IQCE: variants seen among roughly 807,000 people sequenced by gnomAD.
The protein encoded by IQCE is IQ motif containing E.
IQCE carries 115 observed loss-of-function variants against 96.0 expected under a neutral mutation model. The ratio of observed to expected loss-of-function variants is 1.20; its 90% CI spans 1.03 to 1.40. IQCE has a LOEUF of 1.40. IQCE is among the 40% of genes most tolerant of loss of function. The probability of loss-of-function intolerance (pLI) is 0.00; values close to 1 mark genes in which losing one functional copy is unlikely to be tolerated. For synonymous variants in IQCE, 412 were observed against 371.2 expected (o/e 1.11, Z -1.26); for missense variants, 1,041 against 909.1 (o/e 1.15, Z -1.87).
rs68086038 is a variant in IQCE at position 2,579,700 on chromosome 7, G to GGTGT, written c.630+1209_630+1212dup. On this transcript the variant is annotated intron_variant, in intron 8 of 21. Transcript: ENST00000402050. ...GGCTCCATGTTTTTGTTGTTCTGGT[G>GGTGT]GTGTGTGTGTGTGTGTGTGTGTGTG... is the stretch of plus-strand genomic sequence containing the variant. 5.6e-4 allele frequency among the ~76,000 whole-genome samples: 74 copies of GGTGT among 133,078 alleles called. 2 individuals carry two copies. The highest frequency in any genetic ancestry group is 1.4e-3 in the Admixed American group (18 of 13,184). The allele number at this position is 133,078 out of a possible 152,430, so 87.3% of individuals were successfully genotyped here. A position where few individuals can be genotyped will look rare whatever the true frequency, so the allele number is the denominator to read the frequency against.
chr7:2,576,054 C>T (rs1398185552), intron 6 of IQCE, among the ~76,000 whole-genome samples: 4 of 152,208 alleles, frequency 2.6e-5, no homozygotes, highest in East Asian at 1.9e-4. Context: ...AGCTGAGTAC[C>T]GGCTTGCTAT....
intron 21 of IQCE, among the ~76,000 whole-genome samples, chr7:2,607,860 A>C (rs561709393): frequency 6.6e-6 from 1 of 152,326 alleles, no homozygotes; most frequent in South Asian, 2.1e-4. Context: ...ATGAGTGCGG[A>C]GGCACGCTGT....
chr7:2,577,788 A>G (rs1291131124), intron 6 of IQCE, among the ~76,000 whole-genome samples: 149 of 51,052 alleles, frequency 2.9e-3, no homozygotes, highest in Middle Eastern at 0.014. Context: ...TGCGGCGTAT[A>G]CGCATTGGCG....
At chr7:2,591,402 C>A (rs1583471152) in intron 14 of IQCE, among the ~76,000 whole-genome samples, 1 of 152,150 alleles carries the variant, frequency 6.6e-6, no homozygotes, top group East Asian at 1.9e-4. Flanking sequence ...CTGTTGATAG[C>A]TCCTCAGGGC....
chr7:2,588,602 C>T (rs1455763330), intron 13 of IQCE, among the ~76,000 whole-genome samples: 1 of 144,774 alleles, frequency 6.9e-6, no homozygotes, highest in Non-Finnish European at 1.5e-5. Flanking sequence ...ATCCACCCAC[C>T]TTGGCCTCCT....
At chr7:2,597,834 T>C (rs1374663260) in intron 16 of IQCE, among the ~76,000 whole-genome samples, 1 of 151,890 alleles carries the variant, frequency 6.6e-6, no homozygotes, top group Non-Finnish European at 1.5e-5. Context: ...ACCCGGGTAT[T>C]TTTTAAATTT....
At position 2,567,112 on chromosome 7, in the gene IQCE, C is replaced by T. The variant is rs1167600348; in HGVS notation, c.37-4C>T. On this transcript the variant is annotated splice_polypyrimidine_tract_variant and splice_region_variant and intron_variant, in intron 1 of 21. Coordinates refer to ENST00000402050, the MANE Select transcript of IQCE (RefSeq NM_152558.5). ...AGTTACAGTGTTTGCCTCTCTTCCT[C>T]CAGGGAGATGACAGTCTGTCTGCAG... The T allele has an allele frequency of 1.2e-6, 2 of 1,613,582 alleles. No homozygotes were observed. The highest frequency in any genetic ancestry group is 1.7e-6 in the Non-Finnish European group (2 of 1,179,628).
intron 9 of IQCE, 22 bp from the exon 10 acceptor site, chr7:2,583,615 A>T: frequency 6.3e-7 from 1 of 1,575,626 alleles, no homozygotes; most frequent in East Asian, 2.3e-5. Context: ...CATCCCTATT[A>T]ACGCTGAACT....
chr7:2,589,801 C>T (rs1783436578), intron 13 of IQCE, 106 bp from the exon 14 acceptor site: 5 of 1,102,162 alleles, frequency 4.5e-6, no homozygotes, highest in Non-Finnish European at 6.8e-6. Context: ...TCTCATGGCC[C>T]TGCTGGAGAC....
intron 1 of IQCE, among the ~76,000 whole-genome samples, chr7:2,564,533 G>A (rs1781218322): frequency 6.6e-6 from 1 of 152,154 alleles, no homozygotes; most frequent in African/African-American, 2.4e-5. Flanking sequence ...GGGAGGTGGA[G>A]GTGGCAGTGA....
chr7:2,572,472 G>A (rs921299691), intron 5 of IQCE, 146 bp downstream of exon 5: 1 of 876,524 alleles, frequency 1.1e-6, no homozygotes, highest in Non-Finnish European at 1.7e-6. Context: ...GAGGTCGTGG[G>A]AGCAGTGACT....
Position 2,607,421 on chromosome 7 carries a change from G to T in IQCE, c.1969+194G>T, listed in dbSNP as rs1437271659. The T allele has an allele frequency of 9.7e-6, 13 of 1,344,412 alleles. No individual in the cohort carries two copies. The South Asian group carries it at 2.0e-4, about 21-fold the overall frequency. The allele number at this position is 1,344,412 out of a possible 1,614,324, so 83.3% of individuals were successfully genotyped here. A position where few individuals can be genotyped will look rare whatever the true frequency, so the allele number is the denominator to read the frequency against. On this transcript the variant is annotated intron_variant, in intron 21 of 21. Transcript: ENST00000402050. ...ACAGGGCCCCGCCTTGGCCCAGCTT[G>T]TCCTTTGTGCCTGGAATTGCCGAGG...
At chr7:2,564,260 G>A (rs73287597) in intron 1 of IQCE, among the ~76,000 whole-genome samples, 1 of 151,868 alleles carries the variant, frequency 6.6e-6, no homozygotes, top group South Asian at 2.1e-4. Context: ...AATTTCCCTT[G>A]TGATTTCGTC....
intron 8 of IQCE, 143 bp from the exon 9 acceptor site, chr7:2,582,437 C>T (rs962719603): frequency 7.0e-6 from 5 of 712,324 alleles, no homozygotes; most frequent in Non-Finnish European, 1.2e-5. Context: ...CTCCCTCTTC[C>T]CTGGGCCCGT....
chr7:2,612,904 AGAGT>A lies in IQCE; in HGVS notation c.*2747_*2750del, dbSNP rs1317193491. The A allele has an allele frequency of 1.3e-5, 2 of 152,170 alleles. No homozygotes were observed. Among genetic ancestry groups the A allele is most frequent in the African/African-American group, 2.4e-5 (1 of 41,400 alleles). The allele number at this position is 152,170 out of a possible 1,614,324, so 9.4% of individuals were successfully genotyped here. A position where few individuals can be genotyped will look rare whatever the true frequency, so the allele number is the denominator to read the frequency against. On this transcript the variant is annotated 3_prime_UTR_variant, in exon 22 of 22. Coordinates refer to ENST00000402050, the MANE Select transcript of IQCE (RefSeq NM_152558.5). ...ACAACTCCCGGGGGAGACGAAGTAG[AGAGT>A]GAGTCCCCAAGAAAGGGACTCCTGC...
intron 19 of IQCE, 95 bp downstream of exon 19, chr7:2,605,086 C>G: frequency 1.2e-6 from 1 of 864,502 alleles, no homozygotes; most frequent in East Asian, 2.7e-5. Context: ...CCCTCAGCCT[C>G]CACATCCCCG....
chr7:2,572,621 A>G, intron 5 of IQCE: 2 of 561,098 alleles, frequency 3.6e-6, no homozygotes, highest in Non-Finnish European at 6.7e-6. Flanking sequence ...AGTAAATGAT[A>G]TTAGGAACAA....
intron 4 of IQCE, among the ~76,000 whole-genome samples, chr7:2,571,903 C>A (rs912312856): frequency 6.6e-6 from 1 of 152,142 alleles, no homozygotes; most frequent in Non-Finnish European, 1.5e-5. Context: ...CTTGCCAGAG[C>A]CAACTGTTAT....
chr7:2,559,147 G>A lies in IQCE; in HGVS notation c.-35G>A, dbSNP rs946620286. On this transcript the variant is annotated 5_prime_UTR_variant, in exon 1 of 22. Coordinates refer to ENST00000402050, the MANE Select transcript of IQCE (RefSeq NM_152558.5). ...TTCCCAGACCCGGACGCCCGAGCCA[G>A]CAACCCTGAGGGGCGGCCGGGCAGC... 7.4e-5 allele frequency: 86 copies of A among 1,157,350 alleles called. No individual in the cohort carries two copies. The highest frequency in any genetic ancestry group is 8.9e-5 in the Non-Finnish European group (84 of 941,158). The allele number at this position is 1,157,350 out of a possible 1,614,324, so 71.7% of individuals were successfully genotyped here.
Sources: allele counts gnomAD v4.1 joint callset (sites outside exome capture counted in the v4.1 genomes callset), GRCh38; gene constraint gnomAD v4.1.1; transcripts MANE v1.5; gene names NCBI Gene and HGNC (gene_info 2026-07-23, HGNC 2026-07-21).